Variants in CRB1 observed in about 807,000 individuals in gnomAD.
CRB1 encodes protein crumbs homolog 1.
In CRB1, 83 loss-of-function variants were observed where a neutral mutation model predicts 120.0. The observed-to-expected ratio is 0.69, with a 90% CI of 0.58 to 0.83. CRB1 has a LOEUF of 0.83. CRB1 is among the 40% of genes least tolerant of loss of function. CRB1 has a pLI of 0.00. For missense variants in CRB1, 1,699 were observed against 1,687.6 expected (o/e 1.01, Z -0.12); for synonymous variants, 625 against 612.5 (o/e 1.02, Z -0.30).
intron 1 of CRB1, among the ~76,000 whole-genome samples, chr1:197,311,831 T>G (rs1444137216): frequency 1.3e-5 from 2 of 151,776 alleles, no homozygotes; most frequent in Non-Finnish European, 2.9e-5. Flanking sequence ...AATGGGAAAT[T>G]CCCCAATTAC....
At chr1:197,284,438 T>C (rs1655706776) in intron 1 of CRB1, among the ~76,000 whole-genome samples, 1 of 151,922 alleles carries the variant, frequency 6.6e-6, no homozygotes, top group Admixed American at 6.6e-5. Context: ...TGTGACTGAG[T>C]AGTCACATCT....
chr1:197,261,790 G>C, the CRB1 span, among the ~76,000 whole-genome samples: 2 of 152,144 alleles, frequency 1.3e-5, no homozygotes, highest in Non-Finnish European at 2.9e-5. Flanking sequence ...ATTGGAATAA[G>C]CAAGTTGGGT....
chr1:197,403,766 T>G (rs2125437494), intron 5 of CRB1, among the ~76,000 whole-genome samples: 1 of 152,024 alleles, frequency 6.6e-6, no homozygotes, highest in East Asian at 1.9e-4. Context: ...AAGGAATTAG[T>G]TTTCTCTTTC....
At chr1:197,245,934 C>A in the CRB1 span, among the ~76,000 whole-genome samples, 2 of 152,046 alleles carry the variant, frequency 1.3e-5, no homozygotes, top group Non-Finnish European at 2.9e-5. Flanking sequence ...ACTGCCACCA[C>A]AGTTGGGGTA....
In CRB1 at chr1:197,397,314, G is replaced by A. The variant is rs940682017; in HGVS notation, c.1172-23686G>A. 3.3e-5 allele frequency among the ~76,000 whole-genome samples: 5 copies of A among 152,000 alleles called. No homozygotes were observed. The East Asian group carries it at 5.8e-4, about 18-fold the overall frequency. ...AGAGAGTAGGTTATATGTAATAATC[G>A]ACAATACCAAATGCTGGAGAGGATG... On this transcript the variant is annotated intron_variant, in intron 5 of 11. Coordinates refer to ENST00000367400, the MANE Select transcript of CRB1 (RefSeq NM_201253.3).
intron 5 of CRB1, among the ~76,000 whole-genome samples, chr1:197,379,624 A>C (rs1011268344): frequency 1.5e-4 from 22 of 151,654 alleles, no homozygotes; most frequent in Admixed American, 9.8e-4. Flanking sequence ...AAAAAAAAAA[A>C]AAAAACCATT....
chr1:197,419,202 C>T (rs1170861544), intron 5 of CRB1, among the ~76,000 whole-genome samples: 1 of 152,138 alleles, frequency 6.6e-6, no homozygotes, highest in African/African-American at 2.4e-5. Context: ...AGCTGGGGTT[C>T]TGATCCAACA....
chr1:197,443,088 C>T (rs1665533067), intron 11 of CRB1: 1 of 146,440 alleles, frequency 6.8e-6, no homozygotes, highest in Non-Finnish European at 1.5e-5. Context: ...TGTGCCACTG[C>T]ACTCCAGCCT....
intron 6 of CRB1, among the ~76,000 whole-genome samples, chr1:197,426,045 T>A (rs1219865483): frequency 6.6e-6 from 1 of 151,552 alleles, no homozygotes; most frequent in Non-Finnish European, 1.5e-5. Context: ...CAAAAAGGCA[T>A]CTCAAATTTA....
intron 5 of CRB1, among the ~76,000 whole-genome samples, chr1:197,406,310 T>C (rs1306566816): frequency 6.6e-6 from 1 of 152,132 alleles, no homozygotes; most frequent in Non-Finnish European, 1.5e-5. Flanking sequence ...ATGTGCTGTG[T>C]CCACTCAGGG....
intron 7 of CRB1, among the ~76,000 whole-genome samples, chr1:197,428,357 T>C (rs1664704223): frequency 1.3e-5 from 2 of 152,228 alleles, no homozygotes; most frequent in Non-Finnish European, 2.9e-5. Flanking sequence ...TGGATGATAT[T>C]GTTAACTTTA....
intron 4 of CRB1, 139 bp downstream of exon 4, chr1:197,347,618 T>C: frequency 1.1e-6 from 1 of 924,992 alleles, no homozygotes. Flanking sequence ...TTAGTTTTAT[T>C]CTTCAGTGCT....
At chr1:197,201,734 A>C in the CRB1 span, among the ~76,000 whole-genome samples, 1 of 152,240 alleles carries the variant, frequency 6.6e-6, no homozygotes, top group Non-Finnish European at 1.5e-5. Flanking sequence ...AGCAACTGCC[A>C]GAAGCCAGTC....
chr1:197,430,587 T>C (rs1664824717), intron 8 of CRB1, among the ~76,000 whole-genome samples: 2 of 152,156 alleles, frequency 1.3e-5, no homozygotes, highest in African/African-American at 2.4e-5. Flanking sequence ...ACCACCTCCC[T>C]CCTGAACTCT....
At chr1:197,394,743 A>T (rs982614308) in intron 5 of CRB1, among the ~76,000 whole-genome samples, 4 of 152,070 alleles carry the variant, frequency 2.6e-5, no homozygotes, top group Non-Finnish European at 5.9e-5. Flanking sequence ...CAACACAGGG[A>T]CACTATTTCT....
chr1:197,323,765 G>C (rs748495598), intron 1 of CRB1, among the ~76,000 whole-genome samples: 1 of 152,102 alleles, frequency 6.6e-6, no homozygotes, highest in Non-Finnish European at 1.5e-5. Context: ...ACATGCACTT[G>C]GTCCCTTACC....
intron 5 of CRB1, among the ~76,000 whole-genome samples, chr1:197,380,649 C>T (rs1463576241): frequency 6.6e-6 from 1 of 152,178 alleles, no homozygotes; most frequent in Non-Finnish European, 1.5e-5. Context: ...CCAAGCTGGG[C>T]ACTTAACTTC....
chr1:197,451,346 T>C (rs1026391740), intron 11 of CRB1, among the ~76,000 whole-genome samples: 5 of 152,330 alleles, frequency 3.3e-5, no homozygotes, highest in Admixed American at 3.3e-4. Context: ...CGAATTTTAG[T>C]TGAGCAAAGT....
At chr1:197,461,826 T>G (rs969523060) in intron 11 of CRB1, among the ~76,000 whole-genome samples, 16 of 152,132 alleles carry the variant, frequency 1.1e-4, no homozygotes, top group African/African-American at 3.9e-4. Flanking sequence ...GAGTGCTGCA[T>G]TTGTTTTACA....
Sources: allele counts gnomAD v4.1 joint callset (sites outside exome capture counted in the v4.1 genomes callset), GRCh38; gene constraint gnomAD v4.1.1; transcripts MANE v1.5; gene names NCBI Gene and HGNC (gene_info 2026-07-23, HGNC 2026-07-21).